The following ALKBH5 variants were observed in gnomAD, a reference collection of about 807,000 sequenced individuals.
ALKBH5 encodes alkB homolog 5, RNA demethylase, also known as RNA demethylase ALKBH5.
Under a neutral mutation model 32.1 loss-of-function variants are expected in ALKBH5, and 2 were observed. The observed-to-expected ratio is 0.06, with a 90% CI of 0.03 to 0.20. ALKBH5 has a LOEUF of 0.20. Ranked by LOEUF, ALKBH5 falls within the 10% of genes least tolerant of loss-of-function variation. The probability of loss-of-function intolerance (pLI) is 1.00; values close to 1 mark genes in which losing one functional copy is unlikely to be tolerated. For synonymous variants in ALKBH5, 300 were observed against 231.7 expected (o/e 1.29, Z -2.68); for missense variants, 352 against 559.5 (o/e 0.63, Z 3.74).
chr17:18,196,399 T>C (rs2047204738), intron 2 of ALKBH5, among the ~76,000 whole-genome samples: 2 of 152,214 alleles, frequency 1.3e-5, no homozygotes, highest in Non-Finnish European at 2.9e-5. Flanking sequence ...CTTTATTTTT[T>C]CGTACAGATG....
chr17:18,189,346 A>T (rs1005440298), intron 1 of ALKBH5, among the ~76,000 whole-genome samples: 3 of 152,266 alleles, frequency 2.0e-5, no homozygotes, highest in Middle Eastern at 3.4e-3. Flanking sequence ...CATGCCACTG[A>T]ACTCCAGCCT....
intron 2 of ALKBH5, among the ~76,000 whole-genome samples, chr17:18,196,072 A>G (rs945736241): frequency 4.6e-5 from 7 of 152,128 alleles, no homozygotes; most frequent in Non-Finnish European, 8.8e-5. Context: ...TAAAGTCCAT[A>G]CTTTATTTAG....
chr17:18,192,846 GTCTTTTTCTTTTT>G (rs1404450840), intron 1 of ALKBH5, among the ~76,000 whole-genome samples: 16 of 141,918 alleles, frequency 1.1e-4, no homozygotes, highest in African/African-American at 4.2e-4. Flanking sequence ...TTCGTCCACT[GTCTTTTTCTTTTT>G]TTTTTTTTTT....
chr17:18,190,850 G>A (rs1247478795), intron 1 of ALKBH5, among the ~76,000 whole-genome samples: 1 of 152,124 alleles, frequency 6.6e-6, no homozygotes, highest in African/African-American at 2.4e-5. Flanking sequence ...TCAGGGAAAG[G>A]CCCCCAAAAG....
In ALKBH5 at chr17:18,208,501, GTTTTTTGT is replaced by G. The variant is rs2142493485; in HGVS notation, c.*112_*119del. 18 of 1,304,944 alleles carry G rather than the reference GTTTTTTGT, an allele frequency of 1.4e-5. No individual in the cohort carries two copies. Among genetic ancestry groups the G allele is most frequent in the Admixed American group, 2.1e-5 (1 of 47,770 alleles). 80.8% of individuals were successfully genotyped at this position (1,304,944 alleles called of 1,614,324 possible). A position where few individuals can be genotyped will look rare whatever the true frequency, so the allele number is the denominator to read the frequency against. ...GTTCATTGGGGGGTTTTTGTTTTTT[GTTTTTTGT>G]TTTTTTTGATTCTATATATTTTTCC... On this transcript the variant is annotated 3_prime_UTR_variant, in exon 4 of 4. Coordinates refer to ENST00000399138, the MANE Select transcript of ALKBH5 (RefSeq NM_017758.4).
rs948894466 is a variant in ALKBH5, at chr17:18,208,702, G to A, written c.*306G>A. On this transcript the variant is annotated 3_prime_UTR_variant, in exon 4 of 4. Coordinates refer to ENST00000399138, the MANE Select transcript of ALKBH5 (RefSeq NM_017758.4). ...GGAGCAGAGCAGCCATCTTTTAAGT[G>A]GGGCTGTATCAGGCTGGGTTTATTT... 1.2e-5 allele frequency: 6 copies of A among 497,634 alleles called. No homozygotes were observed. Among genetic ancestry groups the A allele is most frequent in the Non-Finnish European group, 2.2e-5 (6 of 272,918 alleles). 30.8% of individuals were successfully genotyped at this position (497,634 alleles called of 1,614,324 possible). A position where few individuals can be genotyped will look rare whatever the true frequency, so the allele number is the denominator to read the frequency against.
intron 2 of ALKBH5, among the ~76,000 whole-genome samples, chr17:18,199,875 C>T (rs970449440): frequency 7.2e-5 from 11 of 152,158 alleles, no homozygotes; most frequent in Admixed American, 7.2e-4. Flanking sequence ...GAGGGCGAGG[C>T]AGTTGGATCA....
chr17:18,187,755 C>T (rs1014306071), intron 1 of ALKBH5, among the ~76,000 whole-genome samples: 1 of 152,128 alleles, frequency 6.6e-6, no homozygotes. Context: ...TTCTCTTTTC[C>T]TGGTACAGAT....
intron 1 of ALKBH5, among the ~76,000 whole-genome samples, chr17:18,185,396 T>A (rs56808776): frequency 1.5e-3 from 48 of 32,126 alleles, no homozygotes; most frequent in Admixed American, 5.1e-3. Context: ...TGCTTTAAAA[T>A]TTTTTTTTTT....
At chr17:18,206,294 G>A (rs527829774) in intron 2 of ALKBH5, among the ~76,000 whole-genome samples, 62 of 152,256 alleles carry the variant, frequency 4.1e-4, no homozygotes, top group African/African-American at 1.5e-3. Flanking sequence ...TGTGGAGTGG[G>A]CCTGGGTTCC....
intron 2 of ALKBH5, among the ~76,000 whole-genome samples, chr17:18,199,616 AG>A (rs1208800110): frequency 1.3e-5 from 2 of 152,194 alleles, no homozygotes; most frequent in African/African-American, 4.8e-5. Context: ...GCCTTTGAGC[AG>A]GGATTTCTGA....
chr17:18,200,096 CA>C (rs1176852819), intron 2 of ALKBH5, among the ~76,000 whole-genome samples: 143 of 107,860 alleles, frequency 1.3e-3, no homozygotes, highest in African/African-American at 3.2e-3. Context: ...GACTCCATCT[CA>C]AAAAAAAAAA....
intron 2 of ALKBH5, among the ~76,000 whole-genome samples, chr17:18,196,499 G>A (rs533820801): frequency 6.6e-6 from 1 of 152,178 alleles, no homozygotes; most frequent in Non-Finnish European, 1.5e-5. Flanking sequence ...GGGATTACAG[G>A]TGTGAGCCAC....
chr17:18,199,546 CTG>C (rs1408465969), intron 2 of ALKBH5, among the ~76,000 whole-genome samples: 3 of 152,172 alleles, frequency 2.0e-5, no homozygotes, highest in African/African-American at 7.2e-5. Context: ...GGTATGAACT[CTG>C]TTTGGAAAGG....
chr17:18,196,848 G>C (rs998550463), intron 2 of ALKBH5, among the ~76,000 whole-genome samples: 6 of 152,044 alleles, frequency 3.9e-5, no homozygotes, highest in Admixed American at 2.6e-4. Flanking sequence ...TCTTCTGCAG[G>C]GGGGATTGGT....
rs565221204 is a variant in ALKBH5, at chr17:18,200,112, A to AAATT, written c.851+5077_851+5078insAATT. Among the ~76,000 whole-genome samples the AAATT allele has an allele frequency of 3.1e-3, 414 of 135,482 alleles. 4 individuals are homozygous for AAATT. Among genetic ancestry groups the AAATT allele is most frequent in the African/African-American group, 6.0e-3 (209 of 34,892 alleles). The allele number at this position is 135,482 out of a possible 152,430, so 88.9% of individuals were successfully genotyped here. A position where few individuals can be genotyped will look rare whatever the true frequency, so the allele number is the denominator to read the frequency against. On this transcript the variant is annotated intron_variant, in intron 2 of 3. Coordinates refer to ENST00000399138, the MANE Select transcript of ALKBH5 (RefSeq NM_017758.4). ...ACTCCATCTCAAAAAAAAAAAAAAAATTTTTTTTTTTTTTAAATTACATCC... is the reference window on the plus strand; with the variant it reads ...ACTCCATCTCAAAAAAAAAAAAAAAAAATTTTTTTTTTTTTTTTAAATTACATCC...
rs1454177757 is a variant in ALKBH5, at chr17:18,208,889, T to G, written c.*493T>G. 1 of 239,662 alleles carries G rather than the reference T, an allele frequency of 4.2e-6. No individual in the cohort carries two copies. The highest frequency in any genetic ancestry group is 8.3e-6 in the Non-Finnish European group (1 of 120,490). 14.8% of individuals were successfully genotyped at this position (239,662 alleles called of 1,614,324 possible). Reference sequence around the variant, plus strand: ...CCTCACAGGCTCTGCTGTTCTCCACTTCTCACCTGCCATCCACGCCCTGCA... The same window carrying G: ...CCTCACAGGCTCTGCTGTTCTCCACGTCTCACCTGCCATCCACGCCCTGCA... On this transcript the variant is annotated 3_prime_UTR_variant, in exon 4 of 4. Coordinates refer to ENST00000399138, the MANE Select transcript of ALKBH5 (RefSeq NM_017758.4).
rs2142465273 is a variant in ALKBH5, at chr17:18,184,483, G to A, written c.240G>A (p.Glu80=). Residue 80 remains glutamate (E), a synonymous_variant, in exon 1 of 4, where the codon GAG becomes GAA. Transcript: ENST00000399138. The part of the protein sequence containing the change: ...DYEEQQLQKE[E]EARKVKSGIR... ...AGGAGCAGCAGCTGCAGAAGGAGGA[G>A]GAGGCGCGCAAGGTGAAGAGCGGCA... is the stretch of plus-strand genomic sequence containing the variant. The A allele has an allele frequency of 6.2e-7, 1 of 1,612,932 alleles. No individual in the cohort carries two copies. Among genetic ancestry groups the A allele is most frequent in the Non-Finnish European group, 8.5e-7 (1 of 1,179,824 alleles).
intron 1 of ALKBH5, 78 bp downstream of exon 1, chr17:18,185,091 G>A (rs906680822): frequency 2.0e-6 from 3 of 1,532,542 alleles, no homozygotes; most frequent in Non-Finnish European, 2.6e-6. Context: ...GCAGCAGCCC[G>A]TAGGAGTCTG....
Sources: allele counts gnomAD v4.1 joint callset (sites outside exome capture counted in the v4.1 genomes callset), GRCh38; gene constraint gnomAD v4.1.1; transcripts MANE v1.5; gene names NCBI Gene and HGNC (gene_info 2026-07-23, HGNC 2026-07-21).